The following ABCC11 variants were observed in gnomAD, a reference collection of about 807,000 sequenced individuals.
ABCC11 encodes the protein ATP binding cassette subfamily C member 11.
Under a neutral mutation model 149.3 loss-of-function variants are expected in ABCC11, and 135 were observed. The ratio of observed to expected loss-of-function variants is 0.90; its 90% CI spans 0.79 to 1.04. The LOEUF is 1.04. Among genes scored for constraint, ABCC11 ranks in the 50% least tolerant of loss-of-function variants. The probability of loss-of-function intolerance (pLI) is 0.00; values close to 1 mark genes in which losing one functional copy is unlikely to be tolerated. For synonymous variants in ABCC11, 665 were observed against 671.4 expected (o/e 0.99, Z 0.15); for missense variants, 1,680 against 1,722.1 (o/e 0.98, Z 0.43).
chr16:48,224,055 C>T (rs2150900326), intron 5 of ABCC11, among the ~76,000 whole-genome samples: 1 of 152,226 alleles, frequency 6.6e-6, no homozygotes, highest in African/African-American at 2.4e-5. Context: ...CAGCTAAGTG[C>T]CAGGGACATG....
At chr16:48,229,640 A>G (rs1311709235) in intron 3 of ABCC11, among the ~76,000 whole-genome samples, 1 of 150,778 alleles carries the variant, frequency 6.6e-6, no homozygotes, top group Non-Finnish European at 1.5e-5. Flanking sequence ...AATTTTTTGT[A>G]TTTTTAGTAG....
intron 24 of ABCC11, among the ~76,000 whole-genome samples, chr16:48,177,847 G>C (rs1276829312): frequency 2.0e-5 from 3 of 152,190 alleles, no homozygotes; most frequent in African/African-American, 4.8e-5. Context: ...GTTTGTAGAG[G>C]GCTCTGCCAG....
intron 28 of ABCC11, 73 bp downstream of exon 28, chr16:48,170,032 G>C (rs1441867498): frequency 2.6e-5 from 32 of 1,216,662 alleles, no homozygotes; most frequent in Non-Finnish European, 1.2e-6. Flanking sequence ...TGAAGGGAGA[G>C]GGAGCCGGTG....
chr16:48,216,350 G>T (rs1969345037), intron 6 of ABCC11, 63 bp from the exon 7 acceptor site: 3 of 1,530,456 alleles, frequency 2.0e-6, no homozygotes, highest in Non-Finnish European at 2.7e-6. Flanking sequence ...AGGGGTGGCA[G>T]GTGGCCTCCC....
At chr16:48,217,396 C>T (rs117341491) in intron 6 of ABCC11, among the ~76,000 whole-genome samples, 1 of 152,132 alleles carries the variant, frequency 6.6e-6, no homozygotes, top group Non-Finnish European at 1.5e-5. Context: ...AGGAGTTTGA[C>T]ACCAGCCTGA....
At chr16:48,234,437 T>A (rs991184155) in intron 1 of ABCC11, among the ~76,000 whole-genome samples, 1 of 152,214 alleles carries the variant, frequency 6.6e-6, no homozygotes, top group Admixed American at 6.5e-5. Flanking sequence ...ATTTGACCGA[T>A]GATTGTCATG....
chr16:48,176,851 T>G, intron 25 of ABCC11, 73 bp downstream of exon 25: 1 of 1,485,412 alleles, frequency 6.7e-7, no homozygotes, highest in Non-Finnish European at 9.1e-7. Flanking sequence ...AGCAAACACA[T>G]GCCCCTAAAT....
At chr16:48,165,272 G>GA (rs1044230133), downstream of ABCC11, 11 of 152,374 alleles carry the variant, frequency 7.2e-5, no homozygotes, top group Admixed American at 5.9e-4. Flanking sequence ...GCCCAAAAAA[G>GA]AAAAAAGCCA....
chr16:48,195,726 A>G (rs1164685192), intron 18 of ABCC11, among the ~76,000 whole-genome samples: 1 of 152,206 alleles, frequency 6.6e-6, no homozygotes, highest in Non-Finnish European at 1.5e-5. Flanking sequence ...CACCAAAATA[A>G]AAGTCCCACC....
chr16:48,182,087 C>T lies in ABCC11; in HGVS notation c.3258+2353G>A, dbSNP rs191680089. 3.1e-3 allele frequency among the ~76,000 whole-genome samples: 470 copies of T among 152,294 alleles called. 2 individuals are homozygous for T. Among genetic ancestry groups the T allele is most frequent in the African/African-American group, 0.011 (447 of 41,566 alleles). On this transcript the variant is annotated intron_variant, in intron 23 of 29. Coordinates refer to ENST00000356608, the MANE Select transcript of ABCC11 (RefSeq NM_001370497.1). ...TACGTGCTTGCTTCAGGGGGCTCAA[C>T]GAGGAGTGAGATGGAGCCCCTTTGC... is the stretch of plus-strand genomic sequence containing the variant.
Position 48,231,680 on chromosome 16 carries a change from A to G in ABCC11, c.99+143T>C, listed in dbSNP as rs1175176922. ...TGAGTCAAAAAAAAAAAAAAAAGAG[A>G]GAGAGAGAGAGCAAAAAGAGAAAAG... On this transcript the variant is annotated intron_variant, in intron 2 of 29. Coordinates refer to ENST00000356608, the MANE Select transcript of ABCC11 (RefSeq NM_001370497.1). 7 of 1,072,866 alleles carry G rather than the reference A, an allele frequency of 6.5e-6. No homozygotes were observed. The East Asian group carries it at 1.4e-4, about 22-fold the overall frequency. The allele number at this position is 1,072,866 out of a possible 1,614,324, so 66.5% of individuals were successfully genotyped here.
chr16:48,173,727 C>T (rs997432080), intron 26 of ABCC11, among the ~76,000 whole-genome samples: 5 of 152,156 alleles, frequency 3.3e-5, no homozygotes, highest in Non-Finnish European at 5.9e-5. Flanking sequence ...CGGGCTCATG[C>T]GATTCACGTG....
intron 23 of ABCC11, among the ~76,000 whole-genome samples, chr16:48,180,628 G>T (rs2150746073): frequency 6.6e-6 from 1 of 152,330 alleles, no homozygotes; most frequent in South Asian, 2.1e-4. Flanking sequence ...GCCTCCCAAT[G>T]CTCGAATGTA....
At chr16:48,167,449 C>T (rs2150699705) in intron 29 of ABCC11, 47 bp downstream of exon 29, 1 of 1,611,776 alleles carries the variant, frequency 6.2e-7, no homozygotes, top group South Asian at 1.1e-5. Context: ...TCTGGGGTAG[C>T]AGCCTGAGCC....
rs1966788840 is a variant in ABCC11, at chr16:48,187,051, C to T, written c.2973G>A (p.Glu991=). The part of the protein sequence containing the change: ...KKAIGVFKRL[E]NYSRSPLFSH... ...AGAATAAAGGAGACCGGCTATAGTT[C>T]TCCAGTCTCTTGAACACACCGATGG... The change falls in exon 22 of 30, where the codon GAG becomes GAA. Residue 991 remains glutamate (E), a synonymous_variant. Coordinates refer to ENST00000356608, the MANE Select transcript of ABCC11 (RefSeq NM_001370497.1). 3 of 1,614,044 alleles carry T rather than the reference C, an allele frequency of 1.9e-6. No homozygotes were observed. In the African/African-American group the frequency reaches 4.0e-5, roughly 22 times the overall value.
intron 28 of ABCC11, among the ~76,000 whole-genome samples, chr16:48,169,792 G>C (rs1479285533): frequency 6.7e-6 from 1 of 150,160 alleles, no homozygotes; most frequent in Non-Finnish European, 1.5e-5. Context: ...GGGAGGGATA[G>C]CATTAGGAGA....
Position 48,178,645 on chromosome 16 carries a change from C to T in ABCC11, c.3300G>A (p.Glu1100=). The T allele has an allele frequency of 6.2e-7, 1 of 1,614,170 alleles. No homozygotes were observed. The highest frequency in any genetic ancestry group is 1.7e-5 in the Admixed American group (1 of 60,024). Residue 1100 remains glutamate (E), a synonymous_variant, in exon 24 of 30, where the codon GAG becomes GAA. Coordinates refer to ENST00000356608, the MANE Select transcript of ABCC11 (RefSeq NM_001370497.1). ...CTACAGCCGTGAACTGTGCCTCTGT[C>T]TCCAAGCCAATCCGGGCAGTGGCCT... ...SFQATARIGL[E]TEAQFTAVER...
intron 6 of ABCC11, among the ~76,000 whole-genome samples, chr16:48,217,456 C>T (rs962136436): frequency 2.6e-5 from 4 of 152,048 alleles, no homozygotes; most frequent in Non-Finnish European, 4.4e-5. Flanking sequence ...ATTAGCCAGG[C>T]ACGGGGGCAC....
intron 14 of ABCC11, among the ~76,000 whole-genome samples, chr16:48,202,957 G>C (rs1286335599): frequency 6.6e-6 from 1 of 152,162 alleles, no homozygotes; most frequent in Non-Finnish European, 1.5e-5. Flanking sequence ...ATCTTGACAG[G>C]GTCTCCGCTC....
Sources: gnomAD v4.1 joint callset for allele counts (sites outside exome capture counted in the v4.1 genomes callset) on GRCh38, gnomAD v4.1.1 for gene constraint, MANE v1.5 for transcripts, NCBI Gene and HGNC (gene_info 2026-07-23, HGNC 2026-07-21) for gene names.